CNTNAP5: variants seen among roughly 807,000 people sequenced by gnomAD.
The protein encoded by CNTNAP5 is contactin associated protein family member 5, also known as contactin-associated protein-like 5.
A neutral mutation model predicts 150.2 loss-of-function variants in CNTNAP5; 72 were observed. That is an observed-to-expected ratio of 0.48 (90% CI 0.40 to 0.58). The LOEUF is 0.58. CNTNAP5 is among the 20% of genes least tolerant of loss of function. The probability of loss-of-function intolerance (pLI) is 0.00; values close to 1 mark genes in which losing one functional copy is unlikely to be tolerated. For synonymous variants in CNTNAP5, 672 were observed against 619.8 expected (o/e 1.08, Z -1.25); for missense variants, 1,636 against 1,626.2 (o/e 1.01, Z -0.10).
intron 3 of CNTNAP5, among the ~76,000 whole-genome samples, chr2:124,279,024 C>A (rs1248201646): frequency 6.6e-6 from 1 of 152,120 alleles, no homozygotes; most frequent in South Asian, 2.1e-4. Context: ...CTGAACAAGA[C>A]AGGTTCTAGA....
chr2:124,679,177 G>A (rs1293450541), intron 13 of CNTNAP5, among the ~76,000 whole-genome samples: 1 of 151,838 alleles, frequency 6.6e-6, no homozygotes, highest in African/African-American at 2.4e-5. Flanking sequence ...AGGTGCCTCT[G>A]TGGTAAGCGA....
intron 3 of CNTNAP5, among the ~76,000 whole-genome samples, chr2:124,290,536 A>G (rs1443517261): frequency 6.6e-6 from 1 of 152,158 alleles, no homozygotes; most frequent in Non-Finnish European, 1.5e-5. Flanking sequence ...CTCTATTTCA[A>G]TTTCCATTAC....
At chr2:124,547,135 A>G (rs1420648555) in intron 10 of CNTNAP5, among the ~76,000 whole-genome samples, 2 of 152,096 alleles carry the variant, frequency 1.3e-5, no homozygotes, top group East Asian at 1.9e-4. Flanking sequence ...ACCAGCCTCA[A>G]TGCTAGCAAT....
chr2:124,215,524 CTCT>C (rs1329512843), intron 1 of CNTNAP5, among the ~76,000 whole-genome samples: 7 of 152,034 alleles, frequency 4.6e-5, no homozygotes, highest in African/African-American at 1.7e-4. Context: ...ATATTATCCC[CTCT>C]TCTTTGAATT....
At chr2:124,242,836 A>G (rs1274550636) in intron 3 of CNTNAP5, among the ~76,000 whole-genome samples, 1 of 152,214 alleles carries the variant, frequency 6.6e-6, no homozygotes, top group East Asian at 1.9e-4. Context: ...TGCCCAATGT[A>G]TGAATTGTGA....
At chr2:124,338,892 T>G (rs1389652699) in intron 3 of CNTNAP5, among the ~76,000 whole-genome samples, 5 of 152,128 alleles carry the variant, frequency 3.3e-5, no homozygotes, top group Admixed American at 3.3e-4. Flanking sequence ...AAAATAAACA[T>G]TCAGGTATGG....
chr2:124,169,497 C>T (rs577761230), intron 1 of CNTNAP5, among the ~76,000 whole-genome samples: 32 of 152,144 alleles, frequency 2.1e-4, no homozygotes, highest in Non-Finnish European at 3.1e-4. Context: ...GAATAGAAAC[C>T]GCAAAGACTT....
intron 19 of CNTNAP5, among the ~76,000 whole-genome samples, chr2:124,862,840 C>A (rs1277549794): frequency 6.6e-6 from 1 of 152,200 alleles, no homozygotes; most frequent in African/African-American, 2.4e-5. Flanking sequence ...TTCAGAACAT[C>A]ACATTCGCGG....
chr2:124,802,223 C>A lies in CNTNAP5; in HGVS notation c.3217+3903C>A, dbSNP rs572411197. Among the ~76,000 whole-genome samples, 4 of 152,276 alleles carry A rather than the reference C, an allele frequency of 2.6e-5. No homozygotes were observed. The East Asian group carries it at 5.8e-4, about 22-fold the overall frequency. On this transcript the variant is annotated intron_variant, in intron 19 of 23. Coordinates refer to ENST00000682447, the MANE Select transcript of CNTNAP5 (RefSeq NM_001367498.1). ...AACACTGCACACAATTCTCAGCTTG[C>A]AAATTTATTTAATATAGTTGAACGG...
chr2:124,615,381 T>C lies in CNTNAP5; in HGVS notation c.1876+5461T>C, dbSNP rs114878766. On this transcript the variant is annotated intron_variant, in intron 12 of 23. Coordinates refer to ENST00000682447, the MANE Select transcript of CNTNAP5 (RefSeq NM_001367498.1). ...AAACCTTTTGTTGTCATTTTAACAATGTTTACAGCCTCTTCACCAAGAGTA... is the reference window on the plus strand; with the variant it reads ...AAACCTTTTGTTGTCATTTTAACAACGTTTACAGCCTCTTCACCAAGAGTA... Among the ~76,000 whole-genome samples, 1,278 of 152,336 alleles carry C rather than the reference T, an allele frequency of 8.4e-3. 19 individuals carry two copies. The highest frequency in any genetic ancestry group is 0.029 in the African/African-American group (1,218 of 41,576).
At chr2:124,556,152 G>C (rs1695750552) in intron 10 of CNTNAP5, among the ~76,000 whole-genome samples, 1 of 152,188 alleles carries the variant, frequency 6.6e-6, no homozygotes, top group African/African-American at 2.4e-5. Context: ...GCATTTGTTT[G>C]AAGGAGGATG....
At chr2:124,856,294 T>C (rs930222122) in intron 19 of CNTNAP5, among the ~76,000 whole-genome samples, 1 of 152,222 alleles carries the variant, frequency 6.6e-6, no homozygotes. Context: ...GTCACTGCTA[T>C]AAACATGCGT....
At chr2:124,878,396 A>G (rs1677902480) in intron 21 of CNTNAP5, among the ~76,000 whole-genome samples, 4 of 152,106 alleles carry the variant, frequency 2.6e-5, no homozygotes, top group South Asian at 4.1e-4. Flanking sequence ...TGGTAATGCA[A>G]ATGATGTGCC....
At chr2:124,541,815 A>G (rs1695392650) in intron 10 of CNTNAP5, among the ~76,000 whole-genome samples, 1 of 152,136 alleles carries the variant, frequency 6.6e-6, no homozygotes, top group Admixed American at 6.5e-5. Context: ...TTTACTTCTG[A>G]TCTACATTTT....
chr2:124,679,548 A>AAAAAG (rs1417619597), intron 13 of CNTNAP5, among the ~76,000 whole-genome samples: 1 of 151,668 alleles, frequency 6.6e-6, no homozygotes, highest in East Asian at 1.9e-4. Context: ...TAGAACCCAA[A>AAAAAG]ATGCTGGCTA....
intron 3 of CNTNAP5, among the ~76,000 whole-genome samples, chr2:124,379,540 TTATC>T (rs1289820569): frequency 6.6e-6 from 1 of 152,178 alleles, no homozygotes; most frequent in African/African-American, 2.4e-5. Context: ...ATACCACAGT[TTATC>T]TATTTACCCA....
intron 7 of CNTNAP5, among the ~76,000 whole-genome samples, chr2:124,487,098 G>T (rs1693902047): frequency 6.6e-6 from 1 of 152,078 alleles, no homozygotes; most frequent in African/African-American, 2.4e-5. Flanking sequence ...CACCCATGGG[G>T]TTATCCAGTA....
intron 13 of CNTNAP5, among the ~76,000 whole-genome samples, chr2:124,732,040 A>G (rs1408577268): frequency 1.3e-5 from 2 of 152,258 alleles, no homozygotes; most frequent in East Asian, 1.9e-4. Context: ...TCATCTTAGT[A>G]TATTTTACTT....
At chr2:124,223,098 CATT>C (rs1686367488) in intron 2 of CNTNAP5, among the ~76,000 whole-genome samples, 2 of 152,164 alleles carry the variant, frequency 1.3e-5, no homozygotes, top group South Asian at 4.1e-4. Context: ...TTGTTGCAAA[CATT>C]ATTACCTTTT....
Sources: gnomAD v4.1 joint callset for allele counts (sites outside exome capture counted in the v4.1 genomes callset) on GRCh38, gnomAD v4.1.1 for gene constraint, MANE v1.5 for transcripts, NCBI Gene and HGNC (gene_info 2026-07-23, HGNC 2026-07-21) for gene names.